Variants in KMT2E observed in about 807,000 individuals in gnomAD.
KMT2E encodes the protein lysine methyltransferase 2E (inactive), also known as histone reader KMT2E.
KMT2E carries 30 observed loss-of-function variants against 184.6 expected under a neutral mutation model. The ratio of observed to expected loss-of-function variants is 0.16; its 90% CI spans 0.12 to 0.22. The LOEUF is 0.22. KMT2E is among the 10% of genes least tolerant of loss of function. The pLI is 1.00. For synonymous variants in KMT2E, 815 were observed against 776.5 expected (o/e 1.05, Z -0.82); for missense variants, 2,023 against 2,237.4 (o/e 0.90, Z 1.93).
rs149314039 is a variant in KMT2E, at chr7:105,063,410, C to T, written c.246C>T (p.Val82=). The change falls in exon 5 of 27, where the codon GTC becomes GTT. Residue 82 remains valine, a synonymous_variant. Transcript: ENST00000311117. ...CTCCGGCTTCCCCTCCTCCATCAGT[C>T]CTTATTAGCAAAAATGAAGTAGGCA... ...PTPPASPPPS[V]LISKNEVGIF... 3.7e-6 allele frequency: 6 copies of T among 1,613,508 alleles called. No individual in the cohort carries two copies. The Admixed American group carries it at 1.0e-4, about 27-fold the overall frequency.
rs776729975 is a variant in KMT2E, at chr7:105,113,276, C to T, written c.5520C>T (p.His1840=). The part of the protein sequence containing the change: ...ASPVPGQIPI[H]RAQVPPTFQN... The stretch of plus-strand genomic sequence containing the variant: ...CAGTGCCTGGACAGATTCCAATTCA[C>T]AGAGCACAGGTGCCACCAACATTTC... Residue 1840 remains histidine (H), a synonymous_variant, in exon 27 of 27, where the codon CAC becomes CAT. Transcript: ENST00000311117. 1 of 1,614,054 alleles carries T rather than the reference C, an allele frequency of 6.2e-7. No individual in the cohort carries two copies. The highest frequency in any genetic ancestry group is 1.3e-5 in the African/African-American group (1 of 74,948).
chr7:105,110,268 T>C lies in KMT2E; in HGVS notation c.3756-12T>C, dbSNP rs1280504137. The stretch of plus-strand genomic sequence containing the variant: ...TCTTTCAATAGAGGATAATGTGATT[T>C]TTCTTTGAAAGGACTGCCTCAACTT... On this transcript the variant is annotated splice_polypyrimidine_tract_variant and intron_variant, in intron 23 of 26. Transcript: ENST00000311117. 5 of 1,610,736 alleles carry C rather than the reference T, an allele frequency of 3.1e-6. No homozygotes were observed. In the South Asian group the frequency reaches 5.5e-5, roughly 18 times the overall value.
At position 105,029,019 on chromosome 7, in the gene KMT2E, C is replaced by T. The variant is rs1489858127; in HGVS notation, c.-188-9107C>T. ...GTGGCTCATGTCTATAATCCCAGCA[C>T]TTTGGGAGGACGAGGTAGGTGGATC... On this transcript the variant is annotated intron_variant, in intron 1 of 26. Transcript: ENST00000311117. Among the ~76,000 whole-genome samples, 4 of 152,222 alleles carry T rather than the reference C, an allele frequency of 2.6e-5. No individual in the cohort carries two copies. In the East Asian group the frequency reaches 7.8e-4, roughly 30 times the overall value.
intron 13 of KMT2E, among the ~76,000 whole-genome samples, chr7:105,083,727 C>CA (rs916872472): frequency 3.9e-5 from 6 of 152,272 alleles, no homozygotes; most frequent in African/African-American, 1.2e-4. Flanking sequence ...TTTCCCCCCC[C>CA]AGAATAGGAC....
chr7:105,071,351 T>G (rs1161259942), intron 6 of KMT2E, among the ~76,000 whole-genome samples: 1 of 151,290 alleles, frequency 6.6e-6, no homozygotes, highest in Non-Finnish European at 1.5e-5. Flanking sequence ...AGCTGTGCTG[T>G]TTTTTTGTTG....
intron 6 of KMT2E, among the ~76,000 whole-genome samples, chr7:105,071,374 T>G (rs1797281051): frequency 6.6e-6 from 1 of 151,238 alleles, no homozygotes; most frequent in African/African-American, 2.4e-5. Context: ...GTTTTTTGTT[T>G]TTGTTTTTTT....
chr7:105,099,873 T>TA (rs1489040011), intron 15 of KMT2E, among the ~76,000 whole-genome samples: 10 of 152,318 alleles, frequency 6.6e-5, no homozygotes, highest in African/African-American at 2.2e-4. Flanking sequence ...TCTTTTTAGT[T>TA]ACTCCAAATT....
In KMT2E at chr7:105,059,975, G is replaced by GT. The variant is rs1562898146; in HGVS notation, c.72-2187dup. 2.3e-3 allele frequency among the ~76,000 whole-genome samples: 103 copies of GT among 45,600 alleles called. 3 individuals are homozygous for GT. The highest frequency in any genetic ancestry group is 4.5e-3 in the South Asian group (5 of 1,110). 29.9% of individuals were successfully genotyped at this position (45,600 alleles called of 152,430 possible). ...TTAGCTGAATATTGATTTTCTTGTT[G>GT]TTGTTTTTTTTTTTTTTTTTTTTTT... On this transcript the variant is annotated intron_variant, in intron 3 of 26. Coordinates refer to ENST00000311117, the MANE Select transcript of KMT2E (RefSeq NM_182931.3).
chr7:105,090,989 T>C (rs750587044), intron 14 of KMT2E, among the ~76,000 whole-genome samples: 1 of 152,184 alleles, frequency 6.6e-6, no homozygotes, highest in Non-Finnish European at 1.5e-5. Context: ...ATTTGACCTA[T>C]ATTGATAAAA....
intron 17 of KMT2E, chr7:105,102,868 T>C (rs1333881071): frequency 6.6e-6 from 1 of 152,294 alleles, no homozygotes. Flanking sequence ...ATTCTGTCTT[T>C]GTTCTTACCT....
At chr7:105,019,248 A>G (rs1291007504) in intron 1 of KMT2E, among the ~76,000 whole-genome samples, 1 of 152,194 alleles carries the variant, frequency 6.6e-6, no homozygotes, top group African/African-American at 2.4e-5. Context: ...CTTAAATCAG[A>G]GTCAGGAAAA....
rs772104225 is a variant in KMT2E, at chr7:105,062,227, A to G, written c.135A>G (p.Leu45=). ...AATCCAACAGTTATCCCCACCAGTT[A>G]TATACCAGCAGCTCACATCATTCAC... is the stretch of plus-strand genomic sequence containing the variant. ...VEKSNSYPHQ[L]YTSSSHHSHS... The change falls in exon 4 of 27, where the codon TTA becomes TTG. Residue 45 remains leucine (L), a synonymous_variant. Coordinates refer to ENST00000311117, the MANE Select transcript of KMT2E (RefSeq NM_182931.3). 3 of 1,613,732 alleles carry G rather than the reference A, an allele frequency of 1.9e-6. No individual in the cohort carries two copies. The highest frequency in any genetic ancestry group is 2.5e-6 in the Non-Finnish European group (3 of 1,179,744).
intron 1 of KMT2E, among the ~76,000 whole-genome samples, chr7:105,020,254 G>A (rs998813387): frequency 7.9e-5 from 12 of 152,088 alleles, no homozygotes; most frequent in African/African-American, 2.7e-4. Context: ...TCTAGCATAC[G>A]ATAGTGGATT....
rs751513289 is a variant in KMT2E at position 105,107,459 on chromosome 7, C to T, written c.3002C>T (p.Thr1001Met). 44 of 1,613,726 alleles carry T rather than the reference C, an allele frequency of 2.7e-5. No homozygotes were observed. The highest frequency in any genetic ancestry group is 1.8e-4 in the Admixed American group (11 of 59,968). Reference sequence around the variant, plus strand: ...CAAGAAATAAAGACTATTGGTTATACGAGCCCTAGGAGTAGGACTGAAGTC... The same window carrying T: ...CAAGAAATAAAGACTATTGGTTATATGAGCCCTAGGAGTAGGACTGAAGTC... The part of the protein sequence containing the change: ...GLQEIKTIGY[T>M]SPRSRTEVNR... Residue 1001 changes from threonine (T) to methionine (M), a missense_variant, in exon 22 of 27, where the codon ACG (threonine) becomes ATG (methionine). Thr to Met is a moderately conservative substitution (Grantham distance 81, BLOSUM62 -1). Transcript: ENST00000311117.
intron 17 of KMT2E, chr7:105,104,440 C>T (rs1798802814): frequency 6.6e-6 from 1 of 152,116 alleles, no homozygotes; most frequent in Admixed American, 6.5e-5. Context: ...GCAATCCCAA[C>T]ATTTGGGGAG....
intron 15 of KMT2E, among the ~76,000 whole-genome samples, chr7:105,091,762 A>T (rs912977344): frequency 1.3e-5 from 2 of 151,694 alleles, no homozygotes; most frequent in African/African-American, 4.8e-5. Context: ...CTACAGTCTC[A>T]CACTGCTATC....
intron 13 of KMT2E, among the ~76,000 whole-genome samples, chr7:105,084,049 A>G (rs2129568513): frequency 6.6e-6 from 1 of 152,360 alleles, no homozygotes; most frequent in East Asian, 1.9e-4. Flanking sequence ...CATTTGCAAT[A>G]CAAGATAAAA....
chr7:105,014,211 A>T lies in KMT2E; in HGVS notation c.-513A>T, dbSNP rs1055862418. 7 of 199,588 alleles carry T rather than the reference A, an allele frequency of 3.5e-5. No homozygotes were observed. Among genetic ancestry groups the T allele is most frequent in the Middle Eastern group, 2.0e-3 (1 of 496 alleles). 12.4% of individuals were successfully genotyped at this position (199,588 alleles called of 1,614,324 possible). ...CCGCCGCCGCCATTTTCCCAGAGCGAGAGGCAGTGACACTGAGCGGGCGCA... is the reference window on the plus strand; with the variant it reads ...CCGCCGCCGCCATTTTCCCAGAGCGTGAGGCAGTGACACTGAGCGGGCGCA... On this transcript the variant is annotated 5_prime_UTR_variant, in exon 1 of 27. Coordinates refer to ENST00000311117, the MANE Select transcript of KMT2E (RefSeq NM_182931.3).
chr7:105,108,349 G>A (rs1343405348), intron 22 of KMT2E, among the ~76,000 whole-genome samples: 2 of 152,090 alleles, frequency 1.3e-5, no homozygotes, highest in East Asian at 3.8e-4. Flanking sequence ...ATGTAAGAGT[G>A]TTTTTATTTT....
Sources: allele counts gnomAD v4.1 joint callset (sites outside exome capture counted in the v4.1 genomes callset), GRCh38; gene constraint gnomAD v4.1.1; transcripts MANE v1.5; gene names NCBI Gene and HGNC (gene_info 2026-07-23, HGNC 2026-07-21).